The following PRDM10 variants were observed in gnomAD, a reference collection of about 807,000 sequenced individuals.
PRDM10 encodes PR domain zinc finger protein 10.
A neutral mutation model predicts 133.1 loss-of-function variants in PRDM10; 65 were observed. That is an observed-to-expected ratio of 0.49 (90% CI 0.40 to 0.60). PRDM10 has a LOEUF of 0.60. Among genes scored for constraint, PRDM10 ranks in the 20% least tolerant of loss-of-function variants. PRDM10 has a pLI of 0.00. For synonymous variants in PRDM10, 582 were observed against 580.4 expected, an observed-to-expected ratio of 1.00 and a Z score of -0.04; for missense variants, 1,137 against 1,507.1, an observed-to-expected ratio of 0.75 and a Z score of 4.07.
At chr11:129,937,724 G>A in intron 7 of PRDM10, 54 bp from the exon 8 acceptor site, 2 of 1,474,000 alleles carry the variant, frequency 1.4e-6, no homozygotes, top group Middle Eastern at 1.7e-4. Flanking sequence ...GATGTTCTTT[G>A]CATGCTTAAA....
At chr11:129,908,900 T>G (rs923429872) in intron 19 of PRDM10, among the ~76,000 whole-genome samples, 10 of 151,864 alleles carry the variant, frequency 6.6e-5, no homozygotes, top group Non-Finnish European at 1.3e-4. Context: ...CTAATTTTTT[T>G]TGTGTTTTTA....
At chr11:129,931,657 T>C (rs1266554539) in intron 10 of PRDM10, among the ~76,000 whole-genome samples, 1 of 151,320 alleles carries the variant, frequency 6.6e-6, no homozygotes, top group African/African-American at 2.4e-5. Context: ...AAGCTCCGCC[T>C]CCCGGTTCAC....
intron 1 of PRDM10, among the ~76,000 whole-genome samples, chr11:129,990,001 G>A (rs893090414): frequency 5.9e-5 from 9 of 151,880 alleles, no homozygotes; most frequent in Non-Finnish European, 1.0e-4. Context: ...TCAGGAGTTC[G>A]AGACCAGCCT....
intron 11 of PRDM10, among the ~76,000 whole-genome samples, chr11:129,926,398 G>C (rs977959585): frequency 3.9e-5 from 6 of 152,170 alleles, no homozygotes; most frequent in East Asian, 1.9e-4. Context: ...TGCTACAAGG[G>C]GGGGAAATCC....
intron 1 of PRDM10, among the ~76,000 whole-genome samples, chr11:129,979,606 C>T (rs959378291): frequency 1.3e-5 from 2 of 152,172 alleles, no homozygotes; most frequent in Non-Finnish European, 2.9e-5. Flanking sequence ...CTGAAAACCC[C>T]GCTCTTCTAT....
At chr11:129,927,029 A>C (rs548438661) in intron 11 of PRDM10, among the ~76,000 whole-genome samples, 1 of 152,172 alleles carries the variant, frequency 6.6e-6, no homozygotes, top group South Asian at 2.1e-4. Context: ...AACATGGTAA[A>C]ACCCTGTCTC....
At chr11:129,908,537 T>C (rs936786130) in intron 19 of PRDM10, among the ~76,000 whole-genome samples, 2 of 152,176 alleles carry the variant, frequency 1.3e-5, no homozygotes, top group African/African-American at 2.4e-5. Context: ...TGATGGATCA[T>C]TATCCAGCTG....
At position 129,947,348 on chromosome 11, in the gene PRDM10, T is replaced by C; in HGVS notation, c.317A>G (p.Gln106Arg). The stretch of plus-strand genomic sequence containing the variant: ...TACACTCTCGATGGAAGGCAGCACC[T>C]GGTTATGAACTGGCAATGAGGCCTG... Reference protein sequence around the residue: ...AQQASLPVHNQVLPSIESVDG... With the variant: ...AQQASLPVHNRVLPSIESVDG... The change falls in exon 5 of 21, where the codon CAG becomes CGG. Residue 106 changes from glutamine (Q) to arginine (R), a missense_variant. Coordinates refer to ENST00000360871, the MANE Select transcript of PRDM10 (RefSeq NM_199437.2). This position sits in a 1 kb window ranked among gnomAD's most constrained non-coding sequence, Gnocchi z 4.6. 6.2e-7 allele frequency: 1 copy of C among 1,614,190 alleles called. No homozygotes were observed. Among genetic ancestry groups the C allele is most frequent in the Non-Finnish European group, 8.5e-7 (1 of 1,180,030 alleles).
chr11:129,968,723 A>G (rs369818200), intron 1 of PRDM10, among the ~76,000 whole-genome samples: 34 of 151,858 alleles, frequency 2.2e-4, no homozygotes, highest in African/African-American at 8.2e-4. Context: ...AGCCTCCACC[A>G]TCGCCTGCCC....
In PRDM10 at chr11:129,935,142, C is replaced by T. The variant is rs570729308; in HGVS notation, c.1116G>A (p.Gln372=). Residue 372 remains glutamine, a synonymous_variant, in exon 9 of 21, where the codon CAG becomes CAA. Coordinates refer to ENST00000360871, the MANE Select transcript of PRDM10 (RefSeq NM_199437.2). ...GTTTCTCATCATGAGAATTGAGATGCTGTTGCAACTGCTCCGAGCTTATAA... is the reference window on the plus strand; with the variant it reads ...GTTTCTCATCATGAGAATTGAGATGTTGTTGCAACTGCTCCGAGCTTATAA... ...RRFISSEQLQ[Q]HLNSHDEKLD... 9.3e-6 allele frequency: 15 copies of T among 1,614,036 alleles called. No individual in the cohort carries two copies. The highest frequency in any genetic ancestry group is 8.3e-5 in the Admixed American group (5 of 60,016).
At chr11:129,960,727 G>A (rs113686065) in intron 2 of PRDM10, among the ~76,000 whole-genome samples, 169 bp downstream of exon 2, 22 of 152,244 alleles carry the variant, frequency 1.4e-4, no homozygotes, top group African/African-American at 4.8e-4. Context: ...GAGCCACATC[G>A]ATGGAGCATT....
chr11:129,937,256 TTA>T lies in PRDM10; in HGVS notation c.1039+340_1039+341del, dbSNP rs141112676. On this transcript the variant is annotated intron_variant, in intron 8 of 20. Coordinates refer to ENST00000360871, the MANE Select transcript of PRDM10 (RefSeq NM_199437.2). Reference sequence around the variant, plus strand: ...ATGTGTGCAGCTTTCTGTATGTAGATTATACTTCAGTGACATTTGCATTAAAA... The same window carrying T: ...ATGTGTGCAGCTTTCTGTATGTAGATTACTTCAGTGACATTTGCATTAAAA... 6.0e-3 allele frequency among the ~76,000 whole-genome samples: 921 copies of T among 152,344 alleles called. 4 individuals are homozygous for T. Among genetic ancestry groups the T allele is most frequent in the Middle Eastern group, 0.02 (6 of 294 alleles).
chr11:129,941,909 T>C (rs893380816), intron 7 of PRDM10, among the ~76,000 whole-genome samples: 2 of 152,164 alleles, frequency 1.3e-5, no homozygotes. Context: ...TAGAGGAGCA[T>C]CTGTACTGGT....
intron 1 of PRDM10, among the ~76,000 whole-genome samples, chr11:129,994,530 C>T (rs113524448): frequency 2.0e-4 from 31 of 151,366 alleles, no homozygotes; most frequent in African/African-American, 6.3e-4. Context: ...CCCAGCTACT[C>T]GGTTGGCTGA....
intron 1 of PRDM10, among the ~76,000 whole-genome samples, chr11:129,999,068 C>T (rs148301738): frequency 0.014 from 2,089 of 152,206 alleles, 29 homozygotes; most frequent in Non-Finnish European, 0.021. Context: ...AGCAATCTGC[C>T]TGCCTTGGCC....
intron 1 of PRDM10, among the ~76,000 whole-genome samples, chr11:129,967,712 A>G (rs1951935464): frequency 6.6e-6 from 1 of 152,208 alleles, no homozygotes; most frequent in African/African-American, 2.4e-5. Flanking sequence ...AGCTCACCCC[A>G]TGGCGACACT....
intron 1 of PRDM10, among the ~76,000 whole-genome samples, chr11:129,982,641 T>A (rs1938178315): frequency 6.6e-6 from 1 of 152,114 alleles, no homozygotes; most frequent in African/African-American, 2.4e-5. Flanking sequence ...TCAAACTGTA[T>A]TTTCTTAATA....
rs1292680251 is a variant in PRDM10, at chr11:129,918,413, C to T, written c.2214+126G>A. On this transcript the variant is annotated intron_variant, in intron 14 of 20. Transcript: ENST00000360871. The surrounding 1 kb of genome is among the most constrained non-coding windows in gnomAD (Gnocchi z 5.3). ...GGGAATCGTTTGCCTCTGTTTCTTC[C>T]CCTGGACATTGACAAAACCATTGAT... is the stretch of plus-strand genomic sequence containing the variant. The T allele has an allele frequency of 1.7e-6, 2 of 1,189,708 alleles. No homozygotes were observed. Among genetic ancestry groups the T allele is most frequent in the Middle Eastern group, 3.1e-4 (1 of 3,272 alleles). The allele number at this position is 1,189,708 out of a possible 1,614,324, so 73.7% of individuals were successfully genotyped here.
chr11:129,945,358 G>A lies in PRDM10; in HGVS notation c.521-346C>T, dbSNP rs1181429146. On this transcript the variant is annotated intron_variant, in intron 5 of 20. Coordinates refer to ENST00000360871, the MANE Select transcript of PRDM10 (RefSeq NM_199437.2). This position sits in a 1 kb window ranked among gnomAD's most constrained non-coding sequence, Gnocchi z 4.2. Reference sequence around the variant, plus strand: ...AAAAGAGCGTATCAGGCTAAATGTTGCACTATCTGATGAGACAAAATAGGT... The same window carrying A: ...AAAAGAGCGTATCAGGCTAAATGTTACACTATCTGATGAGACAAAATAGGT... Among the ~76,000 whole-genome samples, 1 of 152,108 alleles carries A rather than the reference G, an allele frequency of 6.6e-6. No homozygotes were observed. The highest frequency in any genetic ancestry group is 1.5e-5 in the Non-Finnish European group (1 of 68,030).
Sources: allele counts gnomAD v4.1 joint callset (sites outside exome capture counted in the v4.1 genomes callset), GRCh38; gene constraint gnomAD v4.1.1; non-coding constraint Gnocchi (gnomAD v3.1); transcripts MANE v1.5; gene names NCBI Gene and HGNC (gene_info 2026-07-23, HGNC 2026-07-21).